Variants in ACIN1 observed in about 807,000 individuals in gnomAD.
ACIN1 encodes the protein apoptotic chromatin condensation inducer 1, also known as apoptotic chromatin condensation inducer in the nucleus.
Under a neutral mutation model 146.6 loss-of-function variants are expected in ACIN1, and 16 were observed. That is an observed-to-expected ratio of 0.11 (90% confidence interval 0.07 to 0.17). The LOEUF is 0.17. Ranked by LOEUF, ACIN1 falls within the 10% of genes least tolerant of loss-of-function variation. The pLI is 1.00. For missense variants in ACIN1, 1,357 were observed against 1,609.3 expected (o/e 0.84, Z 2.68); for synonymous variants, 569 against 582.7 (o/e 0.98, Z 0.34).
At chr14:23,062,085 G>A in intron 16 of ACIN1, 83 bp downstream of exon 16, 1 of 1,145,728 alleles carries the variant, frequency 8.7e-7, no homozygotes, top group Non-Finnish European at 1.3e-6. Context: ...AGAGACTGCA[G>A]GTCTGGCAAG....
intron 9 of ACIN1, 22 bp downstream of exon 9, chr14:23,069,454 A>T: frequency 6.2e-7 from 1 of 1,610,796 alleles, no homozygotes; most frequent in Non-Finnish European, 8.5e-7. Context: ...CACCCGCCCC[A>T]ATAGGTGGCT....
intron 8 of ACIN1, among the ~76,000 whole-genome samples, chr14:23,073,817 GA>G: frequency 6.6e-6 from 1 of 151,008 alleles, no homozygotes; most frequent in Non-Finnish European, 1.5e-5. Flanking sequence ...CTGATTTTGA[GA>G]AATTTTGTTA....
intron 2 of ACIN1, among the ~76,000 whole-genome samples, chr14:23,093,196 T>A (rs893731673): frequency 6.6e-6 from 1 of 152,224 alleles, no homozygotes; most frequent in Admixed American, 6.5e-5. Context: ...ATAAATGACT[T>A]CAGATCTCTG....
intron 6 of ACIN1, among the ~76,000 whole-genome samples, 167 bp from the exon 7 acceptor site, chr14:23,079,205 A>G (rs910004072): frequency 2.0e-5 from 3 of 152,130 alleles, no homozygotes; most frequent in South Asian, 2.1e-4. Flanking sequence ...GGTCTCCTTG[A>G]CCACTTATTT....
intron 4 of ACIN1, among the ~76,000 whole-genome samples, chr14:23,083,411 T>A (rs973762661): frequency 6.6e-6 from 1 of 152,098 alleles, no homozygotes; most frequent in Non-Finnish European, 1.5e-5. Context: ...CTGCACTAGA[T>A]GATTTCCAAA....
chr14:23,074,628 G>A (rs1423169723), intron 8 of ACIN1, among the ~76,000 whole-genome samples: 1 of 152,122 alleles, frequency 6.6e-6, no homozygotes, highest in Admixed American at 6.5e-5. Flanking sequence ...CTATCTACTT[G>A]CAGGACTAGT....
chr14:23,085,737 G>A (rs1162917012), intron 4 of ACIN1, among the ~76,000 whole-genome samples: 1 of 152,190 alleles, frequency 6.6e-6, no homozygotes, highest in Non-Finnish European at 1.5e-5. Context: ...TCTGAAAAAG[G>A]TGATATCTTC....
intron 8 of ACIN1, 35 bp from the exon 9 acceptor site, chr14:23,069,652 G>A (rs2140064996): frequency 2.8e-5 from 16 of 577,914 alleles, no homozygotes; most frequent in Non-Finnish European, 3.7e-5. Flanking sequence ...GGGGGGGCGG[G>A]CAGAAAAGAA....
At position 23,061,488 on chromosome 14, in the gene ACIN1, C is replaced by T; in HGVS notation, c.3234G>A (p.Arg1078=). 1 of 1,610,278 alleles carries T rather than the reference C, an allele frequency of 6.2e-7. No homozygotes were observed. Among genetic ancestry groups the T allele is most frequent in the Non-Finnish European group, 8.5e-7 (1 of 1,178,486 alleles). The change falls in exon 17 of 19, where the codon CGG becomes CGA. Residue 1078 remains arginine, a synonymous_variant. Transcript: ENST00000605057. The stretch of plus-strand genomic sequence containing the variant: ...GTTCCCGCACTGCCCGTTCCTGCTC[C>T]CGCTGCTCTGCCCGGGGGTGCTGTG... The part of the protein sequence containing the change: ...QPPQHPRAEQ[R]EQERAVREQW...
In ACIN1 at chr14:23,069,464, T is replaced by C. The variant is rs1370096633; in HGVS notation, c.2265+12A>G. The C allele has an allele frequency of 5.0e-6, 8 of 1,612,588 alleles. No individual in the cohort carries two copies. Among genetic ancestry groups the C allele is most frequent in the Non-Finnish European group, 6.8e-6 (8 of 1,179,244 alleles). Reference sequence around the variant, plus strand: ...CTGCCCACCCGCCCCAATAGGTGGCTTGGATGTTTACCTCTTTCTTCTCCT... The same window carrying C: ...CTGCCCACCCGCCCCAATAGGTGGCCTGGATGTTTACCTCTTTCTTCTCCT... On this transcript the variant is annotated intron_variant, in intron 9 of 18. Coordinates refer to ENST00000605057, the MANE Select transcript of ACIN1 (RefSeq NM_001386863.1).
intron 2 of ACIN1, among the ~76,000 whole-genome samples, chr14:23,092,878 GAGA>G (rs2048264240): frequency 6.6e-6 from 1 of 152,258 alleles, no homozygotes; most frequent in East Asian, 1.9e-4. Flanking sequence ...AAAACCCTAA[GAGA>G]ACAGTTATAA....
chr14:23,088,183 T>A (rs1054118072), intron 4 of ACIN1, among the ~76,000 whole-genome samples: 13 of 152,156 alleles, frequency 8.5e-5, no homozygotes, highest in African/African-American at 3.1e-4. Context: ...TGAGAAGAAA[T>A]ACCGACAATT....
At chr14:23,084,103 C>G (rs954667677) in intron 4 of ACIN1, among the ~76,000 whole-genome samples, 1 of 151,954 alleles carries the variant, frequency 6.6e-6, no homozygotes, top group Non-Finnish European at 1.5e-5. Flanking sequence ...CCCGCCACCA[C>G]GCCTGGTTAA....
rs61747360 is a variant in ACIN1, at chr14:23,078,907, G to A, written c.1920C>T (p.Ser640=). 8 of 1,613,998 alleles carry A rather than the reference G, an allele frequency of 5.0e-6. No individual in the cohort carries two copies. In the African/African-American group the frequency reaches 8.0e-5, roughly 16 times the overall value. ...TTGCTTGGACAGAGGATGAGGAGGTGGAAGTCCTCTCCTTTGGCTCACAGA... is the reference window on the plus strand; with the variant it reads ...TTGCTTGGACAGAGGATGAGGAGGTAGAAGTCCTCTCCTTTGGCTCACAGA... ...LQVCEPKERT[S]TSSSSVQARR... The change falls in exon 7 of 19, where the codon TCC becomes TCT. Residue 640 remains serine, a synonymous_variant. Transcript: ENST00000605057.
chr14:23,062,658 T>C, intron 14 of ACIN1, 135 bp from the exon 15 acceptor site: 1 of 867,756 alleles, frequency 1.2e-6, no homozygotes, highest in Admixed American at 2.3e-5. Context: ...AACCTTGCAG[T>C]AAGAATGTGA....
At chr14:23,076,126 T>A (rs1173553892) in intron 8 of ACIN1, among the ~76,000 whole-genome samples, 1 of 152,210 alleles carries the variant, frequency 6.6e-6, no homozygotes, top group Non-Finnish European at 1.5e-5. Context: ...AAGGGTGTTG[T>A]TAATCAGTTG....
chr14:23,091,392 A>G (rs1458976159), intron 2 of ACIN1, among the ~76,000 whole-genome samples: 1 of 151,966 alleles, frequency 6.6e-6, no homozygotes, highest in African/African-American at 2.4e-5. Context: ...TGAGCTCAGG[A>G]GTTCAAGATC....
At chr14:23,074,059 C>T (rs1455104770) in intron 8 of ACIN1, among the ~76,000 whole-genome samples, 7 of 151,642 alleles carry the variant, frequency 4.6e-5, no homozygotes, top group East Asian at 2.0e-4. Context: ...AGGATGGTCT[C>T]GATCTTCTGA....
intron 8 of ACIN1, among the ~76,000 whole-genome samples, chr14:23,076,193 A>G (rs13379356): frequency 6.6e-6 from 1 of 152,148 alleles, no homozygotes; most frequent in Non-Finnish European, 1.5e-5. Context: ...ACCAGATCCA[A>G]TGCCTATGGG....
Sources: gnomAD v4.1 joint callset for allele counts (sites outside exome capture counted in the v4.1 genomes callset) on GRCh38, gnomAD v4.1.1 for gene constraint, MANE v1.5 for transcripts, NCBI Gene and HGNC (gene_info 2026-07-23, HGNC 2026-07-21) for gene names.